FRMPD4: variants seen among roughly 807,000 people sequenced by gnomAD.
The protein encoded by FRMPD4 is FERM and PDZ domain-containing protein 4.
In FRMPD4, 22 loss-of-function variants were observed where a neutral mutation model predicts 94.1. That is an observed-to-expected ratio of 0.23 (90% CI 0.17 to 0.33). The LOEUF (loss-of-function observed/expected upper bound fraction) is 0.33. Ranked by LOEUF, FRMPD4 falls within the 10% of genes least tolerant of loss-of-function variation. FRMPD4 has a pLI of 1.00. For synonymous variants in FRMPD4, 631 were observed against 548.6 expected (o/e 1.15, Z -2.10); for missense variants, 1,111 against 1,339.9 (o/e 0.83, Z 2.67).
intron 1 of FRMPD4, among the ~76,000 whole-genome samples, chrX:11,853,695 G>A (rs2053638246): frequency 9.0e-6 from 1 of 111,445 alleles, no homozygotes; most frequent in South Asian, 3.8e-4. Flanking sequence ...TTGAATCCCT[G>A]AACAGACCAA....
intron 1 of FRMPD4, among the ~76,000 whole-genome samples, chrX:12,299,735 G>A (rs1358233017): frequency 8.9e-6 from 1 of 111,785 alleles, no homozygotes; most frequent in East Asian, 2.8e-4. Context: ...CATAGTCCCT[G>A]CCCTCTGGGA....
intron 1 of FRMPD4, among the ~76,000 whole-genome samples, chrX:12,463,824 AT>A (rs2057421662): frequency 9.2e-6 from 1 of 108,706 alleles, no homozygotes; most frequent in Non-Finnish European, 1.9e-5. Context: ...AAAACAAAAG[AT>A]TGTGTAGGTT....
intron 1 of FRMPD4, among the ~76,000 whole-genome samples, chrX:12,419,436 AAG>A (rs1315624623): frequency 3.5e-5 from 4 of 112,891 alleles, no homozygotes; most frequent in Non-Finnish European, 7.5e-5. Flanking sequence ...GTTTTATAAA[AAG>A]ATATGACTTA....
Position 12,138,765 on chromosome X carries a change from G to T in FRMPD4, c.-207G>T. On this transcript the variant is annotated 5_prime_UTR_variant, in exon 1 of 17. Coordinates refer to ENST00000675598, the MANE Select transcript of FRMPD4 (RefSeq NM_001368397.1). Reference sequence around the variant, plus strand: ...GGGTGCCTATCAATGGTCCTGCTCGGGGATGCACACGCAGCTCGCGGCCGG... The same window carrying T: ...GGGTGCCTATCAATGGTCCTGCTCGTGGATGCACACGCAGCTCGCGGCCGG... 1 of 362,658 alleles carries T rather than the reference G, an allele frequency of 2.8e-6. No homozygotes were observed. The highest frequency in any genetic ancestry group is 4.7e-6 in the Non-Finnish European group (1 of 210,859). The allele number at this position is 362,658 out of a possible 1,213,427, so 29.9% of individuals were successfully genotyped here.
chrX:12,143,728 G>A (rs185397801), intron 1 of FRMPD4, among the ~76,000 whole-genome samples: 31 of 111,945 alleles, frequency 2.8e-4, no homozygotes, highest in South Asian at 3.8e-4. Flanking sequence ...GGGCACACAC[G>A]TCAAATTGAG....
intron 1 of FRMPD4, among the ~76,000 whole-genome samples, chrX:12,281,248 T>C (rs2054520056): frequency 8.9e-6 from 1 of 112,164 alleles, no homozygotes; most frequent in African/African-American, 3.2e-5. Flanking sequence ...TTCTTTCTTT[T>C]GGAATTTCAC....
chrX:12,113,176 C>A (rs1337624368), intron 3 of FRMPD4, among the ~76,000 whole-genome samples: 2 of 111,668 alleles, frequency 1.8e-5, no homozygotes, highest in Non-Finnish European at 3.8e-5. Context: ...ACCAGCACAG[C>A]AGAACACATT....
chrX:12,433,701 T>C (rs191211986), intron 1 of FRMPD4, among the ~76,000 whole-genome samples: 2 of 112,059 alleles, frequency 1.8e-5, no homozygotes, highest in East Asian at 5.6e-4. Flanking sequence ...AGATAAATAT[T>C]TGAGAAATTC....
chrX:11,933,441 T>C (rs2054133054), intron 3 of FRMPD4, among the ~76,000 whole-genome samples: 1 of 112,530 alleles, frequency 8.9e-6, no homozygotes, highest in African/African-American at 3.2e-5. Context: ...TGGTTGGAAA[T>C]ATCCTTCATT....
intron 4 of FRMPD4, among the ~76,000 whole-genome samples, chrX:12,659,944 G>A (rs751762099): frequency 2.9e-4 from 32 of 111,874 alleles, no homozygotes; most frequent in Non-Finnish European, 1.3e-4. Flanking sequence ...AATTCAAAGT[G>A]CCAAACCTGA....
intron 4 of FRMPD4, among the ~76,000 whole-genome samples, chrX:12,623,199 AAAGAAAGG>A (rs1268268875): frequency 2.1e-3 from 19 of 8,972 alleles, no homozygotes; most frequent in African/African-American, 4.6e-3. Flanking sequence ...AGAAAGAAAG[AAAGAAAGG>A]AAGGAAGGAA....
intron 1 of FRMPD4, among the ~76,000 whole-genome samples, chrX:12,493,869 A>C (rs955585896): frequency 3.6e-5 from 4 of 112,358 alleles, no homozygotes; most frequent in Non-Finnish European, 5.6e-5. Context: ...ACTATTCTAA[A>C]TGAGTCAAGC....
At chrX:12,130,015 C>A (rs1180223663) in intron 3 of FRMPD4, among the ~76,000 whole-genome samples, 1 of 110,316 alleles carries the variant, frequency 9.1e-6, no homozygotes, top group African/African-American at 3.3e-5. Flanking sequence ...TAATTGTTAA[C>A]CCTCTGCATC....
chrX:12,334,252 A>G (rs1343103787), intron 1 of FRMPD4, among the ~76,000 whole-genome samples: 2 of 111,596 alleles, frequency 1.8e-5, no homozygotes, highest in African/African-American at 6.5e-5. Flanking sequence ...GTTTAAATGT[A>G]TGAGGTAATG....
chrX:12,668,618 T>TTG (rs2059805851), intron 4 of FRMPD4, among the ~76,000 whole-genome samples: 1 of 103,960 alleles, frequency 9.6e-6, no homozygotes, highest in South Asian at 4.6e-4. Flanking sequence ...TTTTTTTTTT[T>TTG]TGTGAGCCAG....
intron 1 of FRMPD4, among the ~76,000 whole-genome samples, chrX:12,221,325 TGCAATA>T (rs889747339): frequency 6.2e-5 from 7 of 112,361 alleles, no homozygotes; most frequent in African/African-American, 2.3e-4. Flanking sequence ...CATTAACTAA[TGCAATA>T]CTGCTTAGCA....
At chrX:12,446,410 A>AT (rs1467497540) in intron 1 of FRMPD4, among the ~76,000 whole-genome samples, 1 of 111,915 alleles carries the variant, frequency 8.9e-6, no homozygotes, top group East Asian at 2.8e-4. Flanking sequence ...TAGAGCACAC[A>AT]TTTTGGGGCA....
chrX:12,493,318 A>G (rs1012559526), intron 1 of FRMPD4, among the ~76,000 whole-genome samples: 27 of 111,533 alleles, frequency 2.4e-4, no homozygotes, highest in African/African-American at 7.2e-4. Context: ...TGAGAATGCT[A>G]TATAACCTTG....
At chrX:12,095,821 A>G (rs1026781325) in intron 3 of FRMPD4, among the ~76,000 whole-genome samples, 1 of 111,998 alleles carries the variant, frequency 8.9e-6, no homozygotes, top group Non-Finnish European at 1.9e-5. Context: ...CAACACTTCA[A>G]CCACATTCCA....
Sources: allele counts gnomAD v4.1 joint callset (sites outside exome capture counted in the v4.1 genomes callset), GRCh38; gene constraint gnomAD v4.1.1; transcripts MANE v1.5; gene names NCBI Gene and HGNC (gene_info 2026-07-23, HGNC 2026-07-21).